The following PCDHA10 variants were observed in gnomAD, a reference collection of about 807,000 sequenced individuals.
PCDHA10 encodes protocadherin alpha 10, also known as protocadherin alpha-10.
PCDHA10 carries 45 observed loss-of-function variants against 61.2 expected under a neutral mutation model. That is an observed-to-expected ratio of 0.74 (90% CI 0.58 to 0.94). The LOEUF is 0.94. Ranked by LOEUF, PCDHA10 falls within the 40% of genes least tolerant of loss-of-function variation. PCDHA10 has a pLI of 0.00. For missense variants in PCDHA10, 1,278 were observed against 1,236.2 expected (o/e 1.03, Z -0.51); for synonymous variants, 602 against 548.8 (o/e 1.10, Z -1.35).
intron 1 of PCDHA10, among the ~76,000 whole-genome samples, chr5:140,893,394 T>TAA (rs2063972728): frequency 6.6e-6 from 1 of 152,198 alleles, no homozygotes; most frequent in South Asian, 2.1e-4. Flanking sequence ...GGCTCATGCC[T>TAA]GTAATCCCAG....
intron 1 of PCDHA10, among the ~76,000 whole-genome samples, chr5:140,906,628 G>A (rs976764797): frequency 2.0e-5 from 3 of 152,180 alleles, no homozygotes; most frequent in African/African-American, 7.2e-5. Context: ...CCTTCAGCAA[G>A]CACCTCAGCA....
intron 1 of PCDHA10, among the ~76,000 whole-genome samples, chr5:140,949,914 C>T (rs941651578): frequency 1.3e-5 from 2 of 151,190 alleles, no homozygotes; most frequent in African/African-American, 4.8e-5. Context: ...TTAGATATAA[C>T]TATTTTTAGA....
chr5:140,881,232 C>A, intron 1 of PCDHA10: 2 of 318,074 alleles, frequency 6.3e-6, no homozygotes, highest in Non-Finnish European at 9.1e-6. Context: ...AAATTAAAGT[C>A]AATTTAAATG....
intron 2 of PCDHA10, 35 bp from the exon 3 acceptor site, chr5:140,982,440 A>C: frequency 6.2e-6 from 10 of 1,613,042 alleles, no homozygotes; most frequent in Non-Finnish European, 8.5e-6. Context: ...AGAATTTATG[A>C]TCTAACCGTT....
chr5:140,940,502 G>A (rs182744023), intron 1 of PCDHA10, among the ~76,000 whole-genome samples: 2 of 151,906 alleles, frequency 1.3e-5, no homozygotes, highest in Admixed American at 6.5e-5. Context: ...TTGCTCCGTC[G>A]CTCAGGCGTG....
chr5:140,871,130 A>T, intron 1 of PCDHA10: 1 of 1,613,360 alleles, frequency 6.2e-7, no homozygotes, highest in Non-Finnish European at 8.5e-7. Context: ...CAGGCGCCAA[A>T]GGCCTCTTCC....
intron 1 of PCDHA10, among the ~76,000 whole-genome samples, chr5:140,974,396 G>A (rs1413050341): frequency 6.6e-6 from 1 of 152,178 alleles, no homozygotes; most frequent in Non-Finnish European, 1.5e-5. Context: ...CATTAGGTAT[G>A]TTCTAAAGTT....
chr5:140,933,050 C>T (rs2088825990), intron 1 of PCDHA10, among the ~76,000 whole-genome samples: 1 of 152,018 alleles, frequency 6.6e-6, no homozygotes, highest in Admixed American at 6.5e-5. Context: ...GGATTACAGT[C>T]CAGGATCCTG....
intron 1 of PCDHA10, among the ~76,000 whole-genome samples, chr5:140,971,989 T>C (rs1183313679): frequency 1.3e-5 from 2 of 152,170 alleles, no homozygotes; most frequent in African/African-American, 4.8e-5. Context: ...AGACAGAAGT[T>C]CCAATGTTTA....
Position 140,856,863 on chromosome 5 carries a change from T to C in PCDHA10, c.815T>C (p.Ile272Thr). 4 of 1,595,256 alleles carry C rather than the reference T, an allele frequency of 2.5e-6. 1 individual carries two copies. Among genetic ancestry groups the C allele is most frequent in the Non-Finnish European group, 3.4e-6 (4 of 1,165,176 alleles). ...AACGCTTCTGATTCGGATGAAGGAA[T>C]AAACAAGGAAATGATGTATTCATTT... Reference protein sequence around the residue: ...RLNASDSDEGINKEMMYSFSS... With the variant: ...RLNASDSDEGTNKEMMYSFSS... The change falls in exon 1 of 4, where the codon ATA (isoleucine) becomes ACA (threonine). Residue 272 changes from isoleucine to threonine, a missense_variant. Transcript: ENST00000307360.
chr5:141,008,147 G>A (rs782783615), intron 3 of PCDHA10, among the ~76,000 whole-genome samples: 9 of 152,114 alleles, frequency 5.9e-5, no homozygotes, highest in Non-Finnish European at 1.3e-4. Context: ...CTGCTGAGAG[G>A]TTTGATAAGA....
chr5:140,884,703 A>T, intron 1 of PCDHA10: 3 of 1,495,534 alleles, frequency 2.0e-6, no homozygotes, highest in Non-Finnish European at 2.7e-6. Flanking sequence ...TAAACACTTT[A>T]GCCTTCCTTG....
At chr5:140,880,009 T>C (rs2058206618) in intron 1 of PCDHA10, among the ~76,000 whole-genome samples, 1 of 152,232 alleles carries the variant, frequency 6.6e-6, no homozygotes, top group African/African-American at 2.4e-5. Context: ...TTATTCACCA[T>C]ATAAAGTAAA....
At chr5:140,891,371 T>G (rs1483919316) in intron 1 of PCDHA10, among the ~76,000 whole-genome samples, 1 of 152,146 alleles carries the variant, frequency 6.6e-6, no homozygotes, top group African/African-American at 2.4e-5. Context: ...CAGTATACAT[T>G]GCACCATATT....
chr5:140,939,028 C>T (rs1231920381), intron 1 of PCDHA10, among the ~76,000 whole-genome samples: 6 of 152,098 alleles, frequency 3.9e-5, no homozygotes, highest in East Asian at 1.9e-4. Context: ...TTTACTTATT[C>T]GGAAGAGTTG....
At chr5:140,918,097 A>C (rs193088313) in intron 1 of PCDHA10, among the ~76,000 whole-genome samples, 2 of 152,192 alleles carry the variant, frequency 1.3e-5, no homozygotes, top group Non-Finnish European at 2.9e-5. Flanking sequence ...CTTTTTATAG[A>C]GATCTTTCAC....
At chr5:140,967,731 G>T in intron 1 of PCDHA10, 1 of 1,614,164 alleles carries the variant, frequency 6.2e-7, no homozygotes, top group African/African-American at 1.3e-5. Context: ...GTAATTGGGG[G>T]GCTGGATTAT....
intron 1 of PCDHA10, among the ~76,000 whole-genome samples, chr5:140,945,974 A>C (rs887994156): frequency 6.6e-5 from 10 of 152,146 alleles, no homozygotes; most frequent in African/African-American, 2.2e-4. Flanking sequence ...AATAAAAGCA[A>C]AAATAGACTA....
chr5:140,942,540 G>T (rs1013086382), intron 1 of PCDHA10, among the ~76,000 whole-genome samples: 52 of 152,164 alleles, frequency 3.4e-4, no homozygotes, highest in African/African-American at 1.1e-3. Flanking sequence ...TCAGTATGGT[G>T]GGGGGTAGGG....
Sources: gnomAD v4.1 joint callset for allele counts (sites outside exome capture counted in the v4.1 genomes callset) on GRCh38, gnomAD v4.1.1 for gene constraint, MANE v1.5 for transcripts, NCBI Gene and HGNC (gene_info 2026-07-23, HGNC 2026-07-21) for gene names.